The following SLC20A2 variants were observed in gnomAD, a reference collection of about 807,000 sequenced individuals.
SLC20A2 encodes the protein solute carrier family 20 member 2, also known as sodium-dependent phosphate transporter 2.
A neutral mutation model predicts 61.0 loss-of-function variants in SLC20A2; 30 were observed. The observed-to-expected ratio is 0.49, with a 90% confidence interval of 0.37 to 0.67. The LOEUF is 0.67. Among genes scored for constraint, SLC20A2 ranks in the 30% least tolerant of loss-of-function variants. SLC20A2 has a pLI of 0.00. For synonymous variants in SLC20A2, 351 were observed against 353.3 expected (o/e 0.99, Z 0.07); for missense variants, 626 against 866.4 (o/e 0.72, Z 3.48).
At chr8:42,474,983 A>C (rs1807950609) in intron 1 of SLC20A2, among the ~76,000 whole-genome samples, 1 of 152,088 alleles carries the variant, frequency 6.6e-6, no homozygotes, top group African/African-American at 2.4e-5. Flanking sequence ...AGGAGGGGCC[A>C]GGAGGCAGGC....
At chr8:42,533,606 G>T (rs1262300124) in intron 1 of SLC20A2, among the ~76,000 whole-genome samples, 4 of 148,806 alleles carry the variant, frequency 2.7e-5, no homozygotes, top group Non-Finnish European at 4.4e-5. Context: ...ACTCCAACCT[G>T]GGCAACAAAC....
At chr8:42,451,614 TGAAGAGGA>T (rs1805663801) in intron 5 of SLC20A2, among the ~76,000 whole-genome samples, 1 of 78,130 alleles carries the variant, frequency 1.3e-5, no homozygotes, top group Admixed American at 1.8e-4. Flanking sequence ...GAGGAAGAGA[TGAAGAGGA>T]GGAGGAGGAA....
intron 3 of SLC20A2, among the ~76,000 whole-genome samples, chr8:42,465,478 G>T (rs1807082407): frequency 6.6e-6 from 1 of 151,826 alleles, no homozygotes; most frequent in Non-Finnish European, 1.5e-5. Context: ...CCGATCATGA[G>T]GTCAAGAGAT....
chr8:42,438,075 A>AAC lies in SLC20A2; in HGVS notation c.935-499_935-498insGT, dbSNP rs1554549683. On this transcript the variant is annotated intron_variant, in intron 7 of 10. Transcript: ENST00000520262. The stretch of plus-strand genomic sequence containing the variant: ...TAAAAAAAAAAACCAAAAAAAAAAA[A>AAC]AAAAAAAAAAAAAACATGGAAACAT... Among the ~76,000 whole-genome samples the AAC allele has an allele frequency of 7.0e-3, 1,004 of 144,404 alleles. 26 individuals carry two copies. The highest frequency in any genetic ancestry group is 0.012 in the Non-Finnish European group (813 of 66,282). 94.7% of individuals were successfully genotyped at this position (144,404 alleles called of 152,430 possible).
chr8:42,527,170 C>T (rs926318000), intron 1 of SLC20A2, among the ~76,000 whole-genome samples: 3 of 150,958 alleles, frequency 2.0e-5, no homozygotes, highest in African/African-American at 4.9e-5. Flanking sequence ...CTTTGGGAGG[C>T]GGAGGCGGGC....
At chr8:42,427,980 G>GT (rs1197840591) in intron 10 of SLC20A2, among the ~76,000 whole-genome samples, 1 of 152,198 alleles carries the variant, frequency 6.6e-6, no homozygotes, top group African/African-American at 2.4e-5. Flanking sequence ...AGACTGGTGA[G>GT]TTTGTCTGTA....
intron 4 of SLC20A2, among the ~76,000 whole-genome samples, chr8:42,461,968 T>C (rs1806737637): frequency 6.6e-6 from 1 of 152,132 alleles, no homozygotes; most frequent in Non-Finnish European, 1.5e-5. Flanking sequence ...TACAGTCAAA[T>C]AGTGAACAGG....
chr8:42,497,291 C>A (rs1809997479), intron 1 of SLC20A2, among the ~76,000 whole-genome samples: 1 of 152,158 alleles, frequency 6.6e-6, no homozygotes, highest in Non-Finnish European at 1.5e-5. Context: ...TCCAGATTGC[C>A]CATTTTATAA....
chr8:42,514,409 T>TAATAC (rs1361757622), intron 1 of SLC20A2, among the ~76,000 whole-genome samples: 2 of 150,730 alleles, frequency 1.3e-5, no homozygotes, highest in Non-Finnish European at 3.0e-5. Flanking sequence ...ATAAGAGTAA[T>TAATAC]TATTAGCCTT....
At chr8:42,425,959 C>T (rs1033049677) in intron 10 of SLC20A2, among the ~76,000 whole-genome samples, 22 of 152,158 alleles carry the variant, frequency 1.4e-4, no homozygotes, top group African/African-American at 5.1e-4. Flanking sequence ...TGGCATGAAC[C>T]CAGGAGGCGG....
At chr8:42,538,240 TATATATTAC>T (rs1469995430) in intron 1 of SLC20A2, 4 of 148,358 alleles carry the variant, frequency 2.7e-5, no homozygotes, top group East Asian at 1.9e-4. Flanking sequence ...TTATATATAT[TATATATTAC>T]ATATATTACA....
chr8:42,449,123 C>T (rs1468901238), intron 5 of SLC20A2, among the ~76,000 whole-genome samples: 1 of 152,104 alleles, frequency 6.6e-6, no homozygotes, highest in Admixed American at 6.6e-5. Context: ...CTTTCTGGTA[C>T]GGATCTCGAA....
chr8:42,465,067 C>CT (rs1586117577), intron 3 of SLC20A2, among the ~76,000 whole-genome samples: 2 of 151,716 alleles, frequency 1.3e-5, no homozygotes, highest in South Asian at 2.1e-4. Context: ...CCATCTACGT[C>CT]TTTTTTTTGA....
chr8:42,438,063 C>CAAAAAAAAAAAAAAAAAAAAAAA (rs1391262305), intron 7 of SLC20A2, among the ~76,000 whole-genome samples: 2 of 26,808 alleles, frequency 7.5e-5, no homozygotes, highest in Non-Finnish European at 1.6e-4. Flanking sequence ...AAAAAAAAAC[C>CAAAAAAAAAAAAAAAAAAAAAAA]AAAAAAAAAA....
At chr8:42,420,483 T>C in intron 10 of SLC20A2, among the ~76,000 whole-genome samples, 1 of 152,182 alleles carries the variant, frequency 6.6e-6, no homozygotes, top group African/African-American at 2.4e-5. Flanking sequence ...TTTAAGAATA[T>C]TTTTAAAATA....
intron 1 of SLC20A2, among the ~76,000 whole-genome samples, chr8:42,495,776 G>C (rs1809880028): frequency 6.7e-6 from 1 of 149,558 alleles, no homozygotes; most frequent in Non-Finnish European, 1.5e-5. Context: ...TCCAGACAGA[G>C]TCTTGTTCTG....
chr8:42,513,619 G>A (rs1003882092), intron 1 of SLC20A2, among the ~76,000 whole-genome samples: 4 of 152,160 alleles, frequency 2.6e-5, no homozygotes, highest in African/African-American at 9.7e-5. Flanking sequence ...TGAGCAGGCG[G>A]CTGGTTGTAC....
At chr8:42,442,909 C>T (rs1304115523) in intron 6 of SLC20A2, among the ~76,000 whole-genome samples, 1 of 152,058 alleles carries the variant, frequency 6.6e-6, no homozygotes, top group Non-Finnish European at 1.5e-5. Context: ...ATGGTACATG[C>T]TGAGACCAAA....
intron 5 of SLC20A2, among the ~76,000 whole-genome samples, chr8:42,446,098 G>A (rs1805191500): frequency 1.3e-5 from 2 of 152,188 alleles, no homozygotes; most frequent in Non-Finnish European, 2.9e-5. Context: ...TGGGATTACA[G>A]GCATGAGCCA....
Sources: gnomAD v4.1 joint callset for allele counts (sites outside exome capture counted in the v4.1 genomes callset) on GRCh38, gnomAD v4.1.1 for gene constraint, MANE v1.5 for transcripts, NCBI Gene and HGNC (gene_info 2026-07-23, HGNC 2026-07-21) for gene names.